Variants in SVOP observed in about 807,000 individuals in gnomAD.
SVOP encodes synaptic vesicle 2-related protein.
In SVOP, 17 loss-of-function variants were observed where a neutral mutation model predicts 69.1. The ratio of observed to expected loss-of-function variants is 0.25; its 90% CI spans 0.17 to 0.37. SVOP has a LOEUF of 0.37. Ranked by LOEUF, SVOP falls within the 10% of genes least tolerant of loss-of-function variation. The probability of loss-of-function intolerance (pLI) is 1.00; values close to 1 mark genes in which losing one functional copy is unlikely to be tolerated. For missense variants in SVOP, 435 were observed against 597.5 expected (o/e 0.73, Z 2.84); for synonymous variants, 238 against 238.6 (o/e 1.00, Z 0.02).
intron 6 of SVOP, among the ~76,000 whole-genome samples, chr12:108,958,837 C>G (rs556954453): frequency 3.9e-5 from 6 of 152,058 alleles, no homozygotes; most frequent in Non-Finnish European, 8.8e-5. Flanking sequence ...GCCTAGCCCC[C>G]CCGCCCCAAT....
intron 1 of SVOP, among the ~76,000 whole-genome samples, chr12:109,008,037 CA>C (rs34023222): frequency 0.51 from 75,000 of 146,694 alleles, 21,719 homozygotes; most frequent in South Asian, 0.72. Flanking sequence ...GACCCTGTCT[CA>C]AAAAAAAAAA....
chr12:108,967,954 G>A (rs568810333), intron 5 of SVOP, among the ~76,000 whole-genome samples: 300 of 152,304 alleles, frequency 2.0e-3, no homozygotes, highest in Non-Finnish European at 3.1e-3. Flanking sequence ...CAAACATGAA[G>A]ATGTCTATAT....
intron 5 of SVOP, among the ~76,000 whole-genome samples, chr12:108,966,569 A>G (rs2040047014): frequency 6.6e-6 from 1 of 151,794 alleles, no homozygotes; most frequent in Admixed American, 6.5e-5. Context: ...TCCTGGGGGA[A>G]TTTTGGGGAA....
At chr12:109,018,105 G>GATGA (rs3059703) in intron 1 of SVOP, among the ~76,000 whole-genome samples, 44 of 110,702 alleles carry the variant, frequency 4.0e-4, no homozygotes, top group Admixed American at 2.0e-3. Flanking sequence ...AGAATGGATG[G>GATGA]ATGAATGAAT....
At chr12:108,924,426 C>T (rs547122742) in intron 11 of SVOP, among the ~76,000 whole-genome samples, 8 of 152,198 alleles carry the variant, frequency 5.3e-5, no homozygotes, top group Non-Finnish European at 1.0e-4. Context: ...TGTGGCATCT[C>T]CATCCTTCCA....
chr12:108,914,970 C>T (rs942545021), intron 15 of SVOP, among the ~76,000 whole-genome samples: 4 of 151,230 alleles, frequency 2.6e-5, no homozygotes, highest in East Asian at 2.0e-4. Context: ...GTCAAGAGAT[C>T]GAGACCATCC....
chr12:108,934,129 T>C lies in SVOP; in HGVS notation c.1048+66A>G, dbSNP rs572833192. The C allele has an allele frequency of 5.5e-5, 77 of 1,400,310 alleles. 1 individual carries two copies. In the African/African-American group the frequency reaches 9.7e-4, roughly 18 times the overall value. The allele number at this position is 1,400,310 out of a possible 1,614,324, so 86.7% of individuals were successfully genotyped here. Reference sequence around the variant, plus strand: ...GGGCAGAGCCTGGGGTGGGAGTGTGTGCATGACTGTGTATGTGCCGAGGGT... The same window carrying C: ...GGGCAGAGCCTGGGGTGGGAGTGTGCGCATGACTGTGTATGTGCCGAGGGT... On this transcript the variant is annotated intron_variant, in intron 11 of 15. Coordinates refer to ENST00000610966, the MANE Select transcript of SVOP (RefSeq NM_018711.5).
rs1004732132 is a variant in SVOP, at chr12:108,972,313, C to T, written c.453+92G>A. The T allele has an allele frequency of 6.4e-6, 8 of 1,254,742 alleles. No individual in the cohort carries two copies. In the Admixed American group the frequency reaches 1.6e-4, roughly 25 times the overall value. The allele number at this position is 1,254,742 out of a possible 1,614,324, so 77.7% of individuals were successfully genotyped here. On this transcript the variant is annotated intron_variant, in intron 5 of 15. Transcript: ENST00000610966. Reference sequence around the variant, plus strand: ...TCAACATCATCCTTATTAGGCCTCCCAACTGCTAATGCAGAACGGGTTTGC... The same window carrying T: ...TCAACATCATCCTTATTAGGCCTCCTAACTGCTAATGCAGAACGGGTTTGC...
chr12:108,991,411 G>C (rs1045345586), intron 1 of SVOP, among the ~76,000 whole-genome samples: 1 of 151,968 alleles, frequency 6.6e-6, no homozygotes, highest in African/African-American at 2.4e-5. Context: ...ACCAGGCTGG[G>C]CAACACAGCA....
chr12:108,968,089 C>CAGGCAGTTGCTGCTCTGGAGAGGATA (rs1270626241), intron 5 of SVOP, among the ~76,000 whole-genome samples: 1 of 152,208 alleles, frequency 6.6e-6, no homozygotes, highest in Non-Finnish European at 1.5e-5. Flanking sequence ...GAACACTCAT[C>CAGGCAGTTGCTGCTCTGGAGAGGATA]AGGCAGTTGC....
At chr12:109,018,495 T>C (rs528165899) in intron 1 of SVOP, among the ~76,000 whole-genome samples, 2 of 152,274 alleles carry the variant, frequency 1.3e-5, no homozygotes, top group South Asian at 2.1e-4. Flanking sequence ...CAAAGTCCAC[T>C]CTTGCCAACC....
At chr12:109,001,022 G>A (rs2040265696) in intron 1 of SVOP, among the ~76,000 whole-genome samples, 1 of 151,818 alleles carries the variant, frequency 6.6e-6, no homozygotes, top group South Asian at 2.1e-4. Context: ...AAGTCAAATT[G>A]TCCCTGTTTG....
At chr12:108,950,510 G>C (rs1308426806) in intron 6 of SVOP, among the ~76,000 whole-genome samples, 1 of 152,162 alleles carries the variant, frequency 6.6e-6, no homozygotes, top group Non-Finnish European at 1.5e-5. Context: ...AGCGTCCTGA[G>C]TAGCTGGGAC....
At chr12:108,951,821 A>G (rs529910704) in intron 6 of SVOP, among the ~76,000 whole-genome samples, 8 of 152,350 alleles carry the variant, frequency 5.3e-5, no homozygotes, top group South Asian at 4.1e-4. Flanking sequence ...AGTTGCTCCA[A>G]TATTTTCCGT....
At position 108,929,348 on chromosome 12, in the gene SVOP, G is replaced by A. The variant is rs1468789515; in HGVS notation, c.1048+4847C>T. Among the ~76,000 whole-genome samples, 4 of 152,010 alleles carry A rather than the reference G, an allele frequency of 2.6e-5. No individual in the cohort carries two copies. In the East Asian group the frequency reaches 5.8e-4, roughly 22 times the overall value. On this transcript the variant is annotated intron_variant, in intron 11 of 15. Transcript: ENST00000610966. ...AGCTAGTTATATTTTTAGAGACAGG[G>A]CCTCGCTCTGTTGCCCAGGCTGGAA...
intron 7 of SVOP, among the ~76,000 whole-genome samples, chr12:108,941,336 C>T (rs2039890142): frequency 6.6e-6 from 1 of 152,080 alleles, no homozygotes; most frequent in Admixed American, 6.6e-5. Flanking sequence ...AATCCTCCCA[C>T]CTCAGCCTCC....
chr12:108,952,788 G>A (rs1043719285), intron 6 of SVOP, among the ~76,000 whole-genome samples: 1 of 152,202 alleles, frequency 6.6e-6, no homozygotes, highest in African/African-American at 2.4e-5. Context: ...GAGACTGGAA[G>A]TTTGAGGCTG....
At chr12:108,983,914 G>T (rs999411034) in intron 1 of SVOP, among the ~76,000 whole-genome samples, 153 bp from the exon 2 acceptor site, 5 of 152,174 alleles carry the variant, frequency 3.3e-5, no homozygotes, top group Non-Finnish European at 7.3e-5. Flanking sequence ...TTTGGACTGG[G>T]GTTGGGGAGA....
intron 1 of SVOP, among the ~76,000 whole-genome samples, chr12:108,992,850 C>T (rs949767196): frequency 6.6e-6 from 1 of 151,902 alleles, no homozygotes; most frequent in African/African-American, 2.4e-5. Context: ...TAAAACTGCA[C>T]ACTTTAATTG....
Sources: allele counts gnomAD v4.1 joint callset (sites outside exome capture counted in the v4.1 genomes callset), GRCh38; gene constraint gnomAD v4.1.1; transcripts MANE v1.5; gene names NCBI Gene and HGNC (gene_info 2026-07-23, HGNC 2026-07-21).